Variants in TBCD observed in about 807,000 individuals in gnomAD.
The protein encoded by TBCD is tubulin-specific chaperone D.
A neutral mutation model predicts 169.3 loss-of-function variants in TBCD; 105 were observed. The ratio of observed to expected loss-of-function variants is 0.62; its 90% CI spans 0.53 to 0.73. The LOEUF (loss-of-function observed/expected upper bound fraction) is 0.73, where lower values mean the gene tolerates loss of function less well. Among genes scored for constraint, TBCD ranks in the 30% least tolerant of loss-of-function variants. The pLI, the probability that TBCD is intolerant of heterozygous loss-of-function variation, is 0.00. For synonymous variants in TBCD, 700 were observed against 643.9 expected, an observed-to-expected ratio of 1.09 and a Z score of -1.32; for missense variants, 1,444 against 1,600.1, an observed-to-expected ratio of 0.90 and a Z score of 1.66.
At position 82,929,510 on chromosome 17, in the gene TBCD, C is replaced by T. The variant is rs374580952; in HGVS notation, c.2991+10C>T. ...CTTGACGGAGTCGACGGTGAGGAGGCGTCGGGCTGGCTGGGGCAGGAGGTG... is the reference window on the plus strand; with the variant it reads ...CTTGACGGAGTCGACGGTGAGGAGGTGTCGGGCTGGCTGGGGCAGGAGGTG... On this transcript the variant is annotated intron_variant, in intron 32 of 38. Transcript: ENST00000355528. 22 of 1,603,012 alleles carry T rather than the reference C, an allele frequency of 1.4e-5. No individual in the cohort carries two copies. Among genetic ancestry groups the T allele is most frequent in the Middle Eastern group, 1.6e-4 (1 of 6,084 alleles).
At chr17:82,858,021 TC>T (rs2056462138) in intron 13 of TBCD, among the ~76,000 whole-genome samples, 1 of 152,110 alleles carries the variant, frequency 6.6e-6, no homozygotes. Context: ...CAAGCGATCC[TC>T]CTGCTTCAGC....
intron 6 of TBCD, among the ~76,000 whole-genome samples, chr17:82,776,192 C>CT (rs2048585727): frequency 6.6e-6 from 1 of 152,098 alleles, no homozygotes. Context: ...GCACTCCAGC[C>CT]TGGGCAACAG....
intron 15 of TBCD, among the ~76,000 whole-genome samples, chr17:82,887,198 T>C (rs2058817668): frequency 1.4e-5 from 2 of 144,930 alleles, no homozygotes; most frequent in East Asian, 2.0e-4. Flanking sequence ...CTCACGCGTT[T>C]ACTTCTGTGT....
rs1295226293 is a variant in TBCD, at chr17:82,752,088, C to T, written c.-106C>T. 3.9e-6 allele frequency: 5 copies of T among 1,266,522 alleles called. No homozygotes were observed. The highest frequency in any genetic ancestry group is 2.9e-4 in the Middle Eastern group (1 of 3,470). 78.5% of individuals were successfully genotyped at this position (1,266,522 alleles called of 1,614,324 possible). On this transcript the variant is annotated 5_prime_UTR_variant, in exon 1 of 39. Transcript: ENST00000355528. Reference sequence around the variant, plus strand: ...GGGCCAGCGTCGGTTGCCGCCTTAGCGGGCGCCTCCTTTTCATCCCTCATC... The same window carrying T: ...GGGCCAGCGTCGGTTGCCGCCTTAGTGGGCGCCTCCTTTTCATCCCTCATC...
chr17:82,768,514 A>T lies in TBCD; in HGVS notation c.530A>T (p.Gln177Leu). The T allele has an allele frequency of 6.2e-7, 1 of 1,614,060 alleles. No individual in the cohort carries two copies. The highest frequency in any genetic ancestry group is 8.5e-7 in the Non-Finnish European group (1 of 1,179,900). Residue 177 changes from glutamine to leucine, a missense_variant, in exon 5 of 39, where the codon CAG becomes CTG. Coordinates refer to ENST00000355528, the MANE Select transcript of TBCD (RefSeq NM_005993.5). ...CGCCTTGACGGGAACCTCCTCACCC[A>T]GCCTGGGCAAGCACGAATGTCCATA... ...FSRLDGNLLTQPGQARMSIMD... is the reference protein window; with the variant it reads ...FSRLDGNLLTLPGQARMSIMD...
At chr17:82,937,726 AG>A in intron 35 of TBCD, 2 of 737,968 alleles carry the variant, frequency 2.7e-6, no homozygotes, top group South Asian at 2.0e-5. Context: ...GACACTGGGC[AG>A]GTGCGCCAGC....
At chr17:82,917,588 TCC>T (rs1429538159) in intron 23 of TBCD, among the ~76,000 whole-genome samples, 1 of 152,228 alleles carries the variant, frequency 6.6e-6, no homozygotes, top group African/African-American at 2.4e-5. Flanking sequence ...TGTTCTCCTC[TCC>T]CAGAGAGACT....
At chr17:82,794,801 T>C (rs931998242) in intron 7 of TBCD, among the ~76,000 whole-genome samples, 9 of 152,258 alleles carry the variant, frequency 5.9e-5, no homozygotes, top group Non-Finnish European at 1.3e-4. Flanking sequence ...TGGATAACTT[T>C]TGGGGCTTTT....
intron 1 of TBCD, among the ~76,000 whole-genome samples, chr17:82,755,203 T>C (rs1440632473): frequency 6.6e-6 from 1 of 152,192 alleles, no homozygotes; most frequent in Non-Finnish European, 1.5e-5. Flanking sequence ...ATAGAAGGGA[T>C]TGTCTAGGTT....
At chr17:82,897,281 A>G (rs1380928712) in intron 17 of TBCD, among the ~76,000 whole-genome samples, 1 of 152,042 alleles carries the variant, frequency 6.6e-6, no homozygotes, top group East Asian at 1.9e-4. Context: ...GCACTTTGGG[A>G]GACCCAGGCA....
intron 12 of TBCD, among the ~76,000 whole-genome samples, chr17:82,810,613 G>C (rs2051362989): frequency 1.3e-5 from 2 of 152,226 alleles, no homozygotes; most frequent in African/African-American, 4.8e-5. Flanking sequence ...TCCTGCCCTG[G>C]TGTGCTCACA....
Position 82,809,564 on chromosome 17 carries a change from A to G in TBCD, c.1149-144A>G, listed in dbSNP as rs978922393. ...GTGTTTTAGCGCGGGGGCTCCAAGC[A>G]GGGTGCGGGCTTGCCTGGAGTTGGC... On this transcript the variant is annotated intron_variant, in intron 11 of 38. Transcript: ENST00000355528. 7 of 784,144 alleles carry G rather than the reference A, an allele frequency of 8.9e-6. No homozygotes were observed. In the Admixed American group the frequency reaches 1.6e-4, roughly 18 times the overall value. The allele number at this position is 784,144 out of a possible 1,614,324, so 48.6% of individuals were successfully genotyped here.
At chr17:82,886,308 T>C (rs1287524670) in intron 15 of TBCD, 2 of 152,178 alleles carry the variant, frequency 1.3e-5, no homozygotes, top group Admixed American at 1.3e-4. Flanking sequence ...TGAAAACAGT[T>C]CCAGCTGTGT....
At position 82,834,482 on chromosome 17, in the gene TBCD, A is replaced by G. The variant is rs569094403; in HGVS notation, c.1318+19548A>G. Among the ~76,000 whole-genome samples, 3 of 152,384 alleles carry G rather than the reference A, an allele frequency of 2.0e-5. No individual in the cohort carries two copies. The South Asian group carries it at 6.2e-4, about 32-fold the overall frequency. On this transcript the variant is annotated intron_variant, in intron 13 of 38. Coordinates refer to ENST00000355528, the MANE Select transcript of TBCD (RefSeq NM_005993.5). The stretch of plus-strand genomic sequence containing the variant: ...TAAATGACCCAAATGCCTATCAGTG[A>G]TAGACTGAATAAAGAAAATGCGGCA...
Position 82,909,308 on chromosome 17 carries a change from G to A in TBCD, c.2006+1G>A, listed in dbSNP as rs190459195. 2 of 1,522,300 alleles carry A rather than the reference G, an allele frequency of 1.3e-6. No homozygotes were observed. The highest frequency in any genetic ancestry group is 1.8e-6 in the Non-Finnish European group (2 of 1,122,366). The allele number at this position is 1,522,300 out of a possible 1,614,324, so 94.3% of individuals were successfully genotyped here. On this transcript the variant is annotated splice_donor_variant, in intron 22 of 38. Coordinates refer to ENST00000355528, the MANE Select transcript of TBCD (RefSeq NM_005993.5). LOFTEE classifies it high-confidence loss of function. Reference sequence around the variant, plus strand: ...AGCTCTATGATCGTCAGTTATACAGGTGAGCTTTACAAAACCAAAGTTCTT... The same window carrying A: ...AGCTCTATGATCGTCAGTTATACAGATGAGCTTTACAAAACCAAAGTTCTT...
At chr17:82,778,237 G>C (rs1003315315) in intron 6 of TBCD, among the ~76,000 whole-genome samples, 69 of 152,284 alleles carry the variant, frequency 4.5e-4, no homozygotes, top group Non-Finnish European at 1.0e-3. Flanking sequence ...AACAGCTCGT[G>C]TCCTTGGTCT....
chr17:82,780,382 T>C (rs1487204656), intron 6 of TBCD, among the ~76,000 whole-genome samples: 1 of 152,130 alleles, frequency 6.6e-6, no homozygotes, highest in Non-Finnish European at 1.5e-5. Context: ...GCCTTGTCTG[T>C]TCTCCGTGTG....
chr17:82,778,981 A>G (rs2048773359), intron 6 of TBCD, among the ~76,000 whole-genome samples: 1 of 144,270 alleles, frequency 6.9e-6, no homozygotes, highest in Admixed American at 7.0e-5. Flanking sequence ...TAATTTTTGT[A>G]TTATTTTCTA....
rs542689798 is a variant in TBCD at position 82,784,245 on chromosome 17, T to C, written c.771+2524T>C. 3.9e-5 allele frequency among the ~76,000 whole-genome samples: 6 copies of C among 152,358 alleles called. No individual in the cohort carries two copies. The East Asian group carries it at 1.2e-3, about 29-fold the overall frequency. ...TGTTTTCATCTTTCTGGAGTCTTTC[T>C]AAAAAGATTTTTCTGGTGGCATACC... On this transcript the variant is annotated intron_variant, in intron 7 of 38. Coordinates refer to ENST00000355528, the MANE Select transcript of TBCD (RefSeq NM_005993.5).
Sources: allele counts gnomAD v4.1 joint callset (sites outside exome capture counted in the v4.1 genomes callset), GRCh38; gene constraint gnomAD v4.1.1; transcripts MANE v1.5; gene names NCBI Gene and HGNC (gene_info 2026-07-23, HGNC 2026-07-21).